CD200R1L: variants seen among roughly 807,000 people sequenced by gnomAD.
CD200R1L encodes CD200 receptor 1 like.
CD200R1L carries 14 observed loss-of-function variants against 24.8 expected under a neutral mutation model. That is an observed-to-expected ratio of 0.56 (90% confidence interval 0.37 to 0.88). CD200R1L has a LOEUF of 0.88. Among genes scored for constraint, CD200R1L ranks in the 40% least tolerant of loss-of-function variants. The pLI is 0.00. For synonymous variants in CD200R1L, 111 were observed against 109.2 expected (o/e 1.02, Z -0.11); for missense variants, 299 against 297.8 (o/e 1.00, Z -0.03).
Position 112,827,116 on chromosome 3 carries a change from A to G in CD200R1L, c.493T>C (p.Tyr165His), listed in dbSNP as rs767480362. 15 of 1,613,502 alleles carry G rather than the reference A, an allele frequency of 9.3e-6. 1 individual carries two copies. The South Asian group carries it at 1.5e-4, about 17-fold the overall frequency. ...EGSILATKQE[Y>H]WGNGTVTVKS... is the part of the protein sequence containing the mutation. The stretch of plus-strand genomic sequence containing the variant: ...ACCGTCACTGTGCCATTGCCCCAGT[A>G]TTCTTGCTTAGTGGCAAGAATAGAT... The change falls in exon 6 of 8, where the codon TAC becomes CAC. Residue 165 changes from tyrosine (Y) to histidine (H), a missense_variant. Tyr to His is a moderately conservative substitution (Grantham distance 83). Coordinates refer to ENST00000488794, the MANE Select transcript of CD200R1L (RefSeq NM_001199215.3).
intron 3 of CD200R1L, among the ~76,000 whole-genome samples, chr3:112,833,123 C>A (rs1938852000): frequency 6.6e-6 from 1 of 152,194 alleles, no homozygotes; most frequent in African/African-American, 2.4e-5. Context: ...AATTATTTAA[C>A]CTTACTTCCT....
rs188034570 is a variant in CD200R1L, at chr3:112,835,831, G to A, written c.-18+2111C>T. On this transcript the variant is annotated intron_variant, in intron 3 of 7. Coordinates refer to ENST00000488794, the MANE Select transcript of CD200R1L (RefSeq NM_001199215.3). ...GTTCCCAGCTCCCAAGAGCACAGGG[G>A]TGCCCAGGTTGCAGCCGCAGCTTGG... Among the ~76,000 whole-genome samples, 261 of 152,372 alleles carry A rather than the reference G, an allele frequency of 1.7e-3. 1 individual carries two copies. The highest frequency in any genetic ancestry group is 3.4e-3 in the Non-Finnish European group (229 of 68,034).
intron 7 of CD200R1L, chr3:112,818,690 A>C (rs1938454933): frequency 6.5e-6 from 1 of 154,386 alleles, no homozygotes; most frequent in Non-Finnish European, 1.5e-5. Flanking sequence ...GTGTATAAAA[A>C]CTGCCCAGCA....
intron 3 of CD200R1L, among the ~76,000 whole-genome samples, chr3:112,835,002 G>C (rs1431258960): frequency 6.6e-6 from 1 of 152,198 alleles, no homozygotes; most frequent in Admixed American, 6.5e-5. Context: ...GCTCCCCAAA[G>C]AGCCACAGCT....
chr3:112,845,800 G>T lies in CD200R1L; in HGVS notation c.-208C>A. The T allele has an allele frequency of 8.2e-7, 1 of 1,213,622 alleles. No homozygotes were observed. Among genetic ancestry groups the T allele is most frequent in the Non-Finnish European group, 1.2e-6 (1 of 824,558 alleles). The allele number at this position is 1,213,622 out of a possible 1,614,324, so 75.2% of individuals were successfully genotyped here. ...CTTTAAATCAATCAACAGACTTGGT[G>T]AATCTGTTTCTCTTGGTCACTTTTG... On this transcript the variant is annotated 5_prime_UTR_variant, in exon 2 of 8. Transcript: ENST00000488794.
At chr3:112,824,390 T>C (rs573873546) in intron 6 of CD200R1L, among the ~76,000 whole-genome samples, 13 of 152,204 alleles carry the variant, frequency 8.5e-5, no homozygotes, top group Non-Finnish European at 1.9e-4. Context: ...GTGCCCTTGA[T>C]GCATGCAGGA....
intron 2 of CD200R1L, 133 bp downstream of exon 2, chr3:112,845,546 A>T: frequency 2.8e-6 from 2 of 712,446 alleles, no homozygotes; most frequent in Non-Finnish European, 4.7e-6. Context: ...GTTTTGCTGG[A>T]TAATGTACAC....
At chr3:112,821,658 T>C (rs944247264) in intron 6 of CD200R1L, among the ~76,000 whole-genome samples, 1 of 152,132 alleles carries the variant, frequency 6.6e-6, no homozygotes, top group Non-Finnish European at 1.5e-5. Context: ...GGTGTTTTTT[T>C]TGTTTTGTTT....
chr3:112,830,565 A>G (rs1938773431), intron 3 of CD200R1L, among the ~76,000 whole-genome samples: 1 of 148,224 alleles, frequency 6.7e-6, no homozygotes, highest in Admixed American at 6.9e-5. Context: ...TGCAGGAAGA[A>G]TTGTTTCTGA....
At chr3:112,842,759 G>A (rs1005463371) in intron 2 of CD200R1L, among the ~76,000 whole-genome samples, 2 of 152,130 alleles carry the variant, frequency 1.3e-5, no homozygotes, top group African/African-American at 2.4e-5. Flanking sequence ...CGGGAGATGC[G>A]CCTGGTCTTC....
intron 6 of CD200R1L, among the ~76,000 whole-genome samples, chr3:112,822,108 A>G (rs903085665): frequency 8.5e-5 from 13 of 152,154 alleles, no homozygotes; most frequent in South Asian, 2.1e-4. Context: ...AGTGGTTCCA[A>G]CTCTCAAGGA....
At chr3:112,819,953 G>A (rs1009003172) in intron 6 of CD200R1L, 58 bp from the exon 7 acceptor site, 2 of 1,453,672 alleles carry the variant, frequency 1.4e-6, no homozygotes, top group African/African-American at 2.9e-5. Flanking sequence ...TTACAAATTA[G>A]AGTCAATCAT....
intron 3 of CD200R1L, among the ~76,000 whole-genome samples, chr3:112,836,434 T>A (rs1938948597): frequency 6.6e-6 from 1 of 152,210 alleles, no homozygotes; most frequent in Non-Finnish European, 1.5e-5. Flanking sequence ...GGGAGAAATA[T>A]GCCTTTTGTA....
At position 112,845,959 on chromosome 3, in the gene CD200R1L, T is replaced by C. The variant is rs1939194594; in HGVS notation, c.-358-9A>G. 2 of 481,836 alleles carry C rather than the reference T, an allele frequency of 4.2e-6. No individual in the cohort carries two copies. Among genetic ancestry groups the C allele is most frequent in the South Asian group, 6.1e-5 (2 of 32,688 alleles). 29.8% of individuals were successfully genotyped at this position (481,836 alleles called of 1,614,324 possible). On this transcript the variant is annotated splice_polypyrimidine_tract_variant and intron_variant, in intron 1 of 7. Transcript: ENST00000488794. ...AATGTCAGTGAGTTTTGCTGTGTAA[T>C]AAAGCAAAAAAGCCAATGCTTACTA...
chr3:112,831,495 T>G (rs1160338673), intron 3 of CD200R1L, among the ~76,000 whole-genome samples: 1 of 152,222 alleles, frequency 6.6e-6, no homozygotes. Flanking sequence ...AATTTACATG[T>G]TGAAGTCCTA....
chr3:112,830,251 G>T (rs538915404), intron 3 of CD200R1L, among the ~76,000 whole-genome samples: 1 of 152,288 alleles, frequency 6.6e-6, no homozygotes, highest in South Asian at 2.1e-4. Flanking sequence ...GTTAGGATTA[G>T]GTACTTCAGT....
At chr3:112,839,621 A>G (rs2107351657) in intron 2 of CD200R1L, among the ~76,000 whole-genome samples, 1 of 152,356 alleles carries the variant, frequency 6.6e-6, no homozygotes. Flanking sequence ...CTGAATGACA[A>G]CACAAATTGA....
intron 3 of CD200R1L, among the ~76,000 whole-genome samples, chr3:112,834,318 A>T (rs1224338537): frequency 6.8e-6 from 1 of 146,804 alleles, no homozygotes; most frequent in Admixed American, 7.0e-5. Context: ...GCTCACTGCA[A>T]CCTCCACCTC....
rs1245378162 is a variant in CD200R1L at position 112,827,460 on chromosome 3, G to T, written c.274C>A (p.Arg92Ser). 3 of 1,614,074 alleles carry T rather than the reference G, an allele frequency of 1.9e-6. No homozygotes were observed. Among genetic ancestry groups the T allele is most frequent in the Non-Finnish European group, 2.5e-6 (3 of 1,180,034 alleles). ...RPDQNSDLQI[R>S]PVDTTHDGYY... ...CCGTCATGAGTGGTGTCCACCGGAC[G>T]AATCTGAAGGTCCGAATTCTGATCA... The change falls in exon 5 of 8, where the codon CGT (arginine) becomes AGT (serine). Residue 92 changes from arginine to serine, a missense_variant. Coordinates refer to ENST00000488794, the MANE Select transcript of CD200R1L (RefSeq NM_001199215.3).
Sources: allele counts gnomAD v4.1 joint callset (sites outside exome capture counted in the v4.1 genomes callset), GRCh38; gene constraint gnomAD v4.1.1; transcripts MANE v1.5; gene names NCBI Gene and HGNC (gene_info 2026-07-23, HGNC 2026-07-21).